The following GPM6B variants were observed in gnomAD, a reference collection of about 807,000 sequenced individuals.
The protein encoded by GPM6B is glycoprotein M6B.
Under a neutral mutation model 27.2 loss-of-function variants are expected in GPM6B, and 4 were observed. That is an observed-to-expected ratio of 0.15 (90% CI 0.07 to 0.34). GPM6B has a LOEUF of 0.34. GPM6B is among the 10% of genes least tolerant of loss of function. The pLI is 1.00. For missense variants in GPM6B, 183 were observed against 261.9 expected (o/e 0.70, Z 2.08); for synonymous variants, 124 against 103.1 (o/e 1.20, Z -1.23).
intron 1 of GPM6B, among the ~76,000 whole-genome samples, chrX:13,876,756 G>A (rs1311753097): frequency 1.8e-5 from 2 of 110,489 alleles, no homozygotes; most frequent in Admixed American, 1.9e-4. Flanking sequence ...ACAAGAGAAT[G>A]GCTGTTCTCG....
intron 1 of GPM6B, among the ~76,000 whole-genome samples, chrX:13,854,543 AAAAT>A (rs1271987849): frequency 8.9e-6 from 1 of 112,479 alleles, no homozygotes. Context: ...GTGCTTTTAA[AAAAT>A]AAGTAATGAA....
At chrX:13,887,700 G>A (rs981020386) in intron 1 of GPM6B, among the ~76,000 whole-genome samples, 2 of 111,599 alleles carry the variant, frequency 1.8e-5, no homozygotes, top group Non-Finnish European at 3.8e-5. Context: ...AAAGAGTGGT[G>A]GTTTTTAAGG....
intron 1 of GPM6B, among the ~76,000 whole-genome samples, chrX:13,861,060 A>G (rs2049843479): frequency 9.3e-6 from 1 of 107,858 alleles, no homozygotes; most frequent in South Asian, 3.9e-4. Context: ...ACATATATAT[A>G]CACATACATA....
chrX:13,785,543 C>A (rs2048594063), intron 3 of GPM6B, 79 bp downstream of exon 3: 1 of 983,622 alleles, frequency 1.0e-6, no homozygotes, highest in Non-Finnish European at 1.4e-6. Flanking sequence ...CTGCCTCAGC[C>A]TCCCAAATTG....
At position 13,772,947 on chromosome X, in the gene GPM6B, T is replaced by G; in HGVS notation, c.921A>C (p.Ala307=). The change falls in exon 8 of 8, where the codon GCA becomes GCC. Residue 307 remains alanine, a synonymous_variant. Transcript: ENST00000316715. ...SKMQAYQDIK[A]KEEQELQDIQ... is the part of the protein sequence containing the mutation. ...TATCTTGCAGTTCCTGTTCTTCCTTTGCTTTGATATCCTGGTAAGCCTGCA... is the reference window on the plus strand; with the variant it reads ...TATCTTGCAGTTCCTGTTCTTCCTTGGCTTTGATATCCTGGTAAGCCTGCA... 2 of 1,208,977 alleles carry G rather than the reference T, an allele frequency of 1.7e-6. No homozygotes were observed. Among genetic ancestry groups the G allele is most frequent in the Non-Finnish European group, 2.2e-6 (2 of 892,907 alleles).
chrX:13,913,207 T>C (rs1454889634), intron 1 of GPM6B, among the ~76,000 whole-genome samples: 2 of 111,505 alleles, frequency 1.8e-5, no homozygotes, highest in Admixed American at 9.5e-5. Context: ...TGCAGTGCAG[T>C]GTCACAACCT....
At chrX:13,899,146 C>T (rs2050258429) in intron 1 of GPM6B, among the ~76,000 whole-genome samples, 1 of 110,627 alleles carries the variant, frequency 9.0e-6, no homozygotes, top group East Asian at 2.8e-4. Flanking sequence ...CATGGTGGCT[C>T]ATGCCTGTAA....
At chrX:13,868,527 A>G (rs1161354084) in intron 1 of GPM6B, among the ~76,000 whole-genome samples, 1 of 112,289 alleles carries the variant, frequency 8.9e-6, no homozygotes, top group Non-Finnish European at 1.9e-5. Context: ...GCGAAATGCA[A>G]GATCTTAGTC....
chrX:13,885,876 T>C (rs2050130515), intron 1 of GPM6B, among the ~76,000 whole-genome samples: 1 of 112,138 alleles, frequency 8.9e-6, no homozygotes, highest in Admixed American at 9.4e-5. Context: ...AGTCTGATAG[T>C]ATTTTATGTT....
intron 1 of GPM6B, among the ~76,000 whole-genome samples, chrX:13,932,565 G>C (rs1267148807): frequency 1.8e-5 from 2 of 112,108 alleles, no homozygotes; most frequent in African/African-American, 6.5e-5. Context: ...TGCTTGCTGA[G>C]TGAGCAGCTG....
chrX:13,915,334 A>C (rs1487416507), intron 1 of GPM6B, among the ~76,000 whole-genome samples: 1 of 110,521 alleles, frequency 9.0e-6, no homozygotes, highest in Non-Finnish European at 1.9e-5. Context: ...ACCATTTTAA[A>C]ATGAGCCACA....
chrX:13,923,359 G>T (rs1015409740), intron 1 of GPM6B, among the ~76,000 whole-genome samples: 1 of 111,854 alleles, frequency 8.9e-6, no homozygotes, highest in Admixed American at 9.5e-5. Flanking sequence ...TGTTTTAGGA[G>T]AATCTACATT....
chrX:13,885,382 A>C (rs2050124822), intron 1 of GPM6B, among the ~76,000 whole-genome samples: 1 of 112,398 alleles, frequency 8.9e-6, no homozygotes, highest in South Asian at 3.7e-4. Context: ...GTTTAAGCTC[A>C]ATCTCTCTCT....
chrX:13,820,918 A>AC (rs761966825), upstream of GPM6B, among the ~76,000 whole-genome samples: 20 of 111,389 alleles, frequency 1.8e-4, no homozygotes, highest in Admixed American at 1.9e-3. Flanking sequence ...AGGGTACACT[A>AC]CCTTTTAAAT....
intron 1 of GPM6B, among the ~76,000 whole-genome samples, chrX:13,916,469 G>A (rs1345422593): frequency 2.7e-5 from 3 of 110,967 alleles, no homozygotes; most frequent in South Asian, 3.9e-4. Flanking sequence ...TTTGAAGTGC[G>A]TTGGAAACCC....
At chrX:13,878,930 C>A (rs1001733970) in intron 1 of GPM6B, among the ~76,000 whole-genome samples, 1 of 111,847 alleles carries the variant, frequency 8.9e-6, no homozygotes, top group African/African-American at 3.3e-5. Flanking sequence ...GTGGAAAGGG[C>A]AAGGAAATGG....
At chrX:13,837,438 C>A (rs1368252273) in intron 1 of GPM6B, among the ~76,000 whole-genome samples, 4 of 111,276 alleles carry the variant, frequency 3.6e-5, no homozygotes, top group Non-Finnish European at 5.7e-5. Context: ...GCAGAACAGA[C>A]CCATGAGAAC....
At chrX:13,817,325 C>T, upstream of GPM6B, 1 of 758,659 alleles carries the variant, frequency 1.3e-6, no homozygotes, top group Non-Finnish European at 1.6e-6. Context: ...CTCTCTTTCT[C>T]CCCACCTCAT....
intron 1 of GPM6B, among the ~76,000 whole-genome samples, chrX:13,829,859 A>AT (rs34742721): frequency 0.35 from 30,821 of 88,354 alleles, 6,003 homozygotes; most frequent in Non-Finnish European, 0.5. Context: ...TCTGTCCTGA[A>AT]TTTTTTTTTT....
Sources: gnomAD v4.1 joint callset for allele counts (sites outside exome capture counted in the v4.1 genomes callset) on GRCh38, gnomAD v4.1.1 for gene constraint, MANE v1.5 for transcripts, NCBI Gene and HGNC (gene_info 2026-07-23, HGNC 2026-07-21) for gene names.